The following ZNF84 variants were observed in gnomAD, a reference collection of about 807,000 sequenced individuals.
ZNF84 encodes zinc finger protein HPF2.
In ZNF84, 12 loss-of-function variants were observed where a neutral mutation model predicts 14.8. That is an observed-to-expected ratio of 0.81 (90% confidence interval 0.52 to 1.31). The LOEUF (loss-of-function observed/expected upper bound fraction) is 1.31. ZNF84 is among the 50% of genes most tolerant of loss of function. ZNF84 has a pLI of 0.00. For missense variants in ZNF84, 859 were observed against 878.6 expected, an observed-to-expected ratio of 0.98 and a Z score of 0.28; for synonymous variants, 347 against 291.1, an observed-to-expected ratio of 1.19 and a Z score of -1.96.
At chr12:133,052,532 A>G (rs1954089292) in intron 4 of ZNF84, among the ~76,000 whole-genome samples, 1 of 152,076 alleles carries the variant, frequency 6.6e-6, no homozygotes, top group African/African-American at 2.4e-5. Context: ...GCACAGTTTC[A>G]CTGTGTGGTC....
Position 133,041,271 on chromosome 12 carries a change from C to T in ZNF84, c.-190-7C>T, listed in dbSNP as rs886607124. On this transcript the variant is annotated splice_region_variant and splice_polypyrimidine_tract_variant and intron_variant, in intron 1 of 4. Transcript: ENST00000539354. The stretch of plus-strand genomic sequence containing the variant: ...AATATACCAGTTGAAGTACATTTCT[C>T]CCGAAGTCCACAGATCCTGGTCCCT... The T allele has an allele frequency of 8.8e-6, 5 of 569,392 alleles. No homozygotes were observed. In the African/African-American group the frequency reaches 9.4e-5, roughly 11 times the overall value. The allele number at this position is 569,392 out of a possible 1,614,324, so 35.3% of individuals were successfully genotyped here. A position where few individuals can be genotyped will look rare whatever the true frequency, so the allele number is the denominator to read the frequency against.
At chr12:133,053,264 G>A (rs908416899) in intron 4 of ZNF84, among the ~76,000 whole-genome samples, 13 of 152,270 alleles carry the variant, frequency 8.5e-5, no homozygotes, top group Admixed American at 4.6e-4. Context: ...AGGAAAAAAA[G>A]TAAAGATGGG....
chr12:133,061,316 C>T lies in ZNF84; in HGVS notation c.*2384C>T, dbSNP rs1177626651. ...ATGTTCATGGCCAACATGGCAAAACCCTGTCTTAAATTAGCCGGGCATGGT... is the reference window on the plus strand; with the variant it reads ...ATGTTCATGGCCAACATGGCAAAACTCTGTCTTAAATTAGCCGGGCATGGT... On this transcript the variant is annotated 3_prime_UTR_variant, in exon 5 of 5. Transcript: ENST00000539354. The T allele has an allele frequency of 6.6e-6, 1 of 151,942 alleles. No homozygotes were observed. Among genetic ancestry groups the T allele is most frequent in the African/African-American group, 2.4e-5 (1 of 41,336 alleles). 9.4% of individuals were successfully genotyped at this position (151,942 alleles called of 1,614,324 possible).
chr12:133,055,960 G>A (rs1217464207), intron 4 of ZNF84, among the ~76,000 whole-genome samples: 1 of 152,102 alleles, frequency 6.6e-6, no homozygotes, highest in Non-Finnish European at 1.5e-5. Flanking sequence ...AATTATCTGG[G>A]CATGGTGGTG....
At chr12:133,048,932 G>A in intron 4 of ZNF84, 84 bp downstream of exon 4, 1 of 1,140,490 alleles carries the variant, frequency 8.8e-7, no homozygotes, top group Non-Finnish European at 1.3e-6. Flanking sequence ...GTCAGTGATG[G>A]GTGGGCTGGT....
In ZNF84 at chr12:133,056,980, A is replaced by G. The variant is rs2137416978; in HGVS notation, c.265A>G (p.Met89Val). 5.7e-6 allele frequency: 9 copies of G among 1,591,146 alleles called. No homozygotes were observed. Among genetic ancestry groups the G allele is most frequent in the East Asian group, 2.2e-5 (1 of 44,746 alleles). The change falls in exon 5 of 5, where the codon ATG becomes GTG. Residue 89 changes from methionine (M) to valine (V), a missense_variant. Physicochemically the swap from Met to Val is conservative, Grantham distance 21 (BLOSUM62 1). Transcript: ENST00000539354. ...PEVWKVDGNMMWHQDNQDKLK... is the reference protein window; with the variant it reads ...PEVWKVDGNMVWHQDNQDKLK... The stretch of plus-strand genomic sequence containing the variant: ...AGTCTGGAAAGTAGATGGTAACATG[A>G]TGTGGCACCAGGATAACCAAGACAA...
chr12:133,061,872 A>G lies in ZNF84; in HGVS notation c.*2940A>G, dbSNP rs1204500958. 9 of 152,328 alleles carry G rather than the reference A, an allele frequency of 5.9e-5. No individual in the cohort carries two copies. The highest frequency in any genetic ancestry group is 2.2e-4 in the African/African-American group (9 of 41,564). 9.4% of individuals were successfully genotyped at this position (152,328 alleles called of 1,614,324 possible). A position where few individuals can be genotyped will look rare whatever the true frequency, so the allele number is the denominator to read the frequency against. ...CAGTAATCACTAGAACTCACCTTCTAAAGTGTCATGAGAGCTCTGATTCTG... is the reference window on the plus strand; with the variant it reads ...CAGTAATCACTAGAACTCACCTTCTGAAGTGTCATGAGAGCTCTGATTCTG... On this transcript the variant is annotated 3_prime_UTR_variant, in exon 5 of 5. Coordinates refer to ENST00000539354, the MANE Select transcript of ZNF84 (RefSeq NM_001289971.2).
chr12:133,057,217 T>C lies in ZNF84; in HGVS notation c.502T>C (p.Ser168Pro). 1.2e-6 allele frequency: 2 copies of C among 1,613,612 alleles called. No individual in the cohort carries two copies. The highest frequency in any genetic ancestry group is 1.3e-5 in the African/African-American group (1 of 75,022). Reference protein sequence around the residue: ...FNVFDNFFLHSKPEDTDTWLK... With the variant: ...FNVFDNFFLHPKPEDTDTWLK... ...TGTGTTTGATAATTTTTTTCTCCAT[T>C]CCAAGCCTGAGGATACTGATACCTG... Residue 168 changes from serine (S) to proline (P), a missense_variant, in exon 5 of 5, where the codon TCC becomes CCC. Transcript: ENST00000539354.
Position 133,058,962 on chromosome 12 carries a change from TC to T in ZNF84, c.*31del. On this transcript the variant is annotated 3_prime_UTR_variant, in exon 5 of 5. Coordinates refer to ENST00000539354, the MANE Select transcript of ZNF84 (RefSeq NM_001289971.2). ...ACAGTTAATAGTAGTCTTTGACAGA[TC>T]ATCTTGGACTTCAGGAAATGCAATT... 6.5e-7 allele frequency: 1 copy of T among 1,539,118 alleles called. No homozygotes were observed. Among genetic ancestry groups the T allele is most frequent in the East Asian group, 2.3e-5 (1 of 44,398 alleles).
rs1954215839 is a variant in ZNF84 at position 133,059,212 on chromosome 12, G to A, written c.*280G>A. 2.4e-6 allele frequency: 1 copy of A among 410,720 alleles called. No individual in the cohort carries two copies. Among genetic ancestry groups the A allele is most frequent in the Non-Finnish European group, 4.3e-6 (1 of 232,672 alleles). The allele number at this position is 410,720 out of a possible 1,614,324, so 25.4% of individuals were successfully genotyped here. A position where few individuals can be genotyped will look rare whatever the true frequency, so the allele number is the denominator to read the frequency against. ...GTGAATGTCCAAAAGCCTTCCAGAA[G>A]TCAAGTCTCTTAAGCTATTAGAAAT... On this transcript the variant is annotated 3_prime_UTR_variant, in exon 5 of 5. Coordinates refer to ENST00000539354, the MANE Select transcript of ZNF84 (RefSeq NM_001289971.2).
At position 133,057,078 on chromosome 12, in the gene ZNF84, T is replaced by C. The variant is rs1440230538; in HGVS notation, c.363T>C (p.Val121=). The change falls in exon 5 of 5, where the codon GTT becomes GTC. Residue 121 remains valine (V), a synonymous_variant. Transcript: ENST00000539354. The part of the protein sequence containing the change: ...GKNFNLNMNF[V]PLRKSNSEGD... The stretch of plus-strand genomic sequence containing the variant: ...ATTTCAATCTGAACATGAACTTTGT[T>C]CCTTTAAGGAAATCAAACAGTGAAG... 3.1e-6 allele frequency: 5 copies of C among 1,613,614 alleles called. No homozygotes were observed. In the Admixed American group the frequency reaches 8.3e-5, roughly 27 times the overall value.
Position 133,041,554 on chromosome 12 carries a change from G to T in ZNF84, c.15+72G>T, listed in dbSNP as rs1422605705. On this transcript the variant is annotated intron_variant, in intron 2 of 4. Coordinates refer to ENST00000539354, the MANE Select transcript of ZNF84 (RefSeq NM_001289971.2). ...AATGTATAAGCCTTCCGGTGAAAAAGAAAAGTTTAAATAGTTAAGAAATCA... is the reference window on the plus strand; with the variant it reads ...AATGTATAAGCCTTCCGGTGAAAAATAAAAGTTTAAATAGTTAAGAAATCA... 4.0e-6 allele frequency: 6 copies of T among 1,510,128 alleles called. No homozygotes were observed. In the Admixed American group the frequency reaches 5.0e-5, roughly 13 times the overall value. 93.5% of individuals were successfully genotyped at this position (1,510,128 alleles called of 1,614,324 possible).
intron 2 of ZNF84, among the ~76,000 whole-genome samples, chr12:133,045,983 C>T (rs909604639): frequency 1.1e-4 from 17 of 151,508 alleles, no homozygotes; most frequent in African/African-American, 4.1e-4. Flanking sequence ...TTCTGTTGAT[C>T]TGTCTTCAAA....
chr12:133,062,061 T>C lies in ZNF84; in HGVS notation c.*3129T>C, dbSNP rs1954273845. On this transcript the variant is annotated 3_prime_UTR_variant, in exon 5 of 5. Transcript: ENST00000539354. ...ATTTTATGGAGCACAATAAGGTACA[T>C]TGAGATAGCATACTAAAGGAGGCCA... 6.6e-6 allele frequency: 1 copy of C among 152,246 alleles called. No homozygotes were observed. Among genetic ancestry groups the C allele is most frequent in the Non-Finnish European group, 1.5e-5 (1 of 68,044 alleles). 9.4% of individuals were successfully genotyped at this position (152,246 alleles called of 1,614,324 possible). A position where few individuals can be genotyped will look rare whatever the true frequency, so the allele number is the denominator to read the frequency against.
chr12:133,043,234 A>G (rs112127965), intron 2 of ZNF84, among the ~76,000 whole-genome samples: 4 of 151,688 alleles, frequency 2.6e-5, no homozygotes, highest in East Asian at 2.0e-4. Context: ...CTGGAGTGCA[A>G]TGGCACAATC....
chr12:133,041,564 A>T (rs1953889877), intron 2 of ZNF84, 82 bp downstream of exon 2: 6 of 1,428,740 alleles, frequency 4.2e-6, no homozygotes, highest in African/African-American at 1.4e-5. Flanking sequence ...GAAAAGTTTA[A>T]ATAGTTAAGA....
Position 133,058,355 on chromosome 12 carries a change from A to C in ZNF84, c.1640A>C (p.Glu547Ala). The change falls in exon 5 of 5, where the codon GAA becomes GCA. Residue 547 changes from glutamate (E) to alanine (A), a missense_variant. Transcript: ENST00000539354. ...GGGGAGAAACCCTATGAATGCAGTG[A>C]ATGTGGGAAGGCCTTTGGTGAGAAG... ...HTGEKPYECS[E>A]CGKAFGEKSS... The C allele has an allele frequency of 1.9e-6, 3 of 1,614,032 alleles. No homozygotes were observed. The highest frequency in any genetic ancestry group is 1.7e-6 in the Non-Finnish European group (2 of 1,179,952).
chr12:133,058,047 A>G lies in ZNF84; in HGVS notation c.1332A>G (p.Ser444=), dbSNP rs949092833. The G allele has an allele frequency of 1.3e-5, 21 of 1,613,784 alleles. No individual in the cohort carries two copies. The Admixed American group carries it at 3.5e-4, about 27-fold the overall frequency. The part of the protein sequence containing the change: ...IQCGKAFSQK[S]HLISHQMTHT... ...GTGGGAAGGCCTTCTCCCAGAAGTCACATCTCATATCACATCAGATGACAC... is the reference window on the plus strand; with the variant it reads ...GTGGGAAGGCCTTCTCCCAGAAGTCGCATCTCATATCACATCAGATGACAC... The change falls in exon 5 of 5, where the codon TCA becomes TCG. Residue 444 remains serine (S), a synonymous_variant. Coordinates refer to ENST00000539354, the MANE Select transcript of ZNF84 (RefSeq NM_001289971.2).
chr12:133,054,171 C>T (rs1593709807), intron 4 of ZNF84, among the ~76,000 whole-genome samples: 1 of 152,050 alleles, frequency 6.6e-6, no homozygotes, highest in African/African-American at 2.4e-5. Flanking sequence ...TGCTTGAGCC[C>T]AGGAGTTCAA....
Sources: gnomAD v4.1 joint callset for allele counts (sites outside exome capture counted in the v4.1 genomes callset) on GRCh38, gnomAD v4.1.1 for gene constraint, MANE v1.5 for transcripts, NCBI Gene and HGNC (gene_info 2026-07-23, HGNC 2026-07-21) for gene names.